MARCHF3: variants seen among roughly 807,000 people sequenced by gnomAD.
MARCHF3 encodes the protein E3 ubiquitin-protein ligase MARCHF3.
Under a neutral mutation model 24.2 loss-of-function variants are expected in MARCHF3, and 13 were observed. The ratio of observed to expected loss-of-function variants is 0.54; its 90% CI spans 0.35 to 0.85. The LOEUF is 0.85. MARCHF3 is among the 40% of genes least tolerant of loss of function. The probability of loss-of-function intolerance (pLI) is 0.01; values close to 1 mark genes in which losing one functional copy is unlikely to be tolerated. For missense variants in MARCHF3, 276 were observed against 325.0 expected, an observed-to-expected ratio of 0.85 and a Z score of 1.16; for synonymous variants, 144 against 137.3, an observed-to-expected ratio of 1.05 and a Z score of -0.34.
At chr5:126,975,781 G>C (rs554727629) in intron 1 of MARCHF3, among the ~76,000 whole-genome samples, 97 of 152,186 alleles carry the variant, frequency 6.4e-4, no homozygotes, top group Admixed American at 1.6e-3. Flanking sequence ...ACTTTTACTG[G>C]CTAAAAATCA....
chr5:126,986,523 G>A (rs1167444696), intron 1 of MARCHF3, among the ~76,000 whole-genome samples: 1 of 152,022 alleles, frequency 6.6e-6, no homozygotes, highest in African/African-American at 2.4e-5. Context: ...ATTTCACATT[G>A]GATGAACTTA....
chr5:126,875,740 G>T (rs753098600), intron 4 of MARCHF3, among the ~76,000 whole-genome samples: 43 of 152,212 alleles, frequency 2.8e-4, no homozygotes, highest in Non-Finnish European at 3.7e-4. Context: ...CAGGGGGAGG[G>T]TGGAAGCTGG....
chr5:126,906,371 G>A (rs1754296961), intron 3 of MARCHF3, among the ~76,000 whole-genome samples: 1 of 152,188 alleles, frequency 6.6e-6, no homozygotes, highest in African/African-American at 2.4e-5. Flanking sequence ...CTATTGATTG[G>A]AATAGTTTCA....
At chr5:126,953,626 GAT>G (rs1750327470) in intron 1 of MARCHF3, among the ~76,000 whole-genome samples, 1 of 152,170 alleles carries the variant, frequency 6.6e-6, no homozygotes, top group African/African-American at 2.4e-5. Flanking sequence ...ATGCCACTCT[GAT>G]TCTTACTTCT....
At chr5:126,912,704 G>A (rs981033435) in intron 3 of MARCHF3, among the ~76,000 whole-genome samples, 7 of 152,170 alleles carry the variant, frequency 4.6e-5, no homozygotes, top group Non-Finnish European at 1.0e-4. Context: ...AACTCTGCCC[G>A]CACCTGGTTC....
chr5:126,898,265 T>C (rs1330249296), intron 3 of MARCHF3, among the ~76,000 whole-genome samples: 1 of 152,094 alleles, frequency 6.6e-6, no homozygotes, highest in African/African-American at 2.4e-5. Context: ...GAAGACCCTT[T>C]AGTTAAGAAA....
intron 1 of MARCHF3, among the ~76,000 whole-genome samples, chr5:126,973,643 G>T (rs536914056): frequency 6.6e-6 from 1 of 152,312 alleles, no homozygotes; most frequent in South Asian, 2.1e-4. Context: ...GCATTGTAAT[G>T]ACTCTACCTA....
intron 1 of MARCHF3, among the ~76,000 whole-genome samples, chr5:127,003,261 C>T (rs930499023): frequency 5.9e-5 from 9 of 151,526 alleles, no homozygotes; most frequent in African/African-American, 2.2e-4. Context: ...GGGCGGAACA[C>T]GAGGTCAGGA....
At chr5:127,021,204 C>A (rs578208002) in intron 1 of MARCHF3, among the ~76,000 whole-genome samples, 1 of 152,092 alleles carries the variant, frequency 6.6e-6, no homozygotes, top group Non-Finnish European at 1.5e-5. Flanking sequence ...ACCCACCCCC[C>A]ACCAACACAC....
intron 1 of MARCHF3, among the ~76,000 whole-genome samples, chr5:126,955,612 G>C (rs995872465): frequency 1.3e-5 from 2 of 152,192 alleles, no homozygotes; most frequent in African/African-American, 4.8e-5. Context: ...GCTCCTCTGT[G>C]TATTGCCTGA....
intron 1 of MARCHF3, among the ~76,000 whole-genome samples, chr5:126,918,585 T>C (rs562213691): frequency 6.6e-6 from 1 of 152,334 alleles, no homozygotes; most frequent in African/African-American, 2.4e-5. Flanking sequence ...GTTGACACTC[T>C]CTAAAAGTTA....
chr5:126,878,687 G>A (rs1753252867), intron 3 of MARCHF3, among the ~76,000 whole-genome samples: 1 of 152,222 alleles, frequency 6.6e-6, no homozygotes, highest in Admixed American at 6.5e-5. Context: ...CATGTGGAAG[G>A]AAGAGAGAAT....
intron 1 of MARCHF3, among the ~76,000 whole-genome samples, chr5:127,023,525 G>T (rs183777415): frequency 0.02 from 3,092 of 152,190 alleles, 75 homozygotes; most frequent in South Asian, 0.12. Flanking sequence ...GAGGTCAGGA[G>T]TTCAAGACTA....
chr5:126,869,582 C>CTGTTTTTTTT lies in MARCHF3; in HGVS notation c.*1050_*1051insAAAAAAAACA, dbSNP rs1752893197. 1 of 79,832 alleles carries CTGTTTTTTTT rather than the reference C, an allele frequency of 1.3e-5. No homozygotes were observed. The allele number at this position is 79,832 out of a possible 1,614,324, so 4.9% of individuals were successfully genotyped here. On this transcript the variant is annotated 3_prime_UTR_variant, in exon 5 of 5. Coordinates refer to ENST00000308660, the MANE Select transcript of MARCHF3 (RefSeq NM_178450.5). Reference sequence around the variant, plus strand: ...ATAAGTGCAGGGCTGCTAGGACAGGCTTTTTTTTTTTTTTTTTTTTTTGCC... The same window carrying CTGTTTTTTTT: ...ATAAGTGCAGGGCTGCTAGGACAGGCTGTTTTTTTTTTTTTTTTTTTTTTTTTTTTTTGCC...
At chr5:126,934,087 T>C (rs1436063301) in intron 1 of MARCHF3, among the ~76,000 whole-genome samples, 1 of 145,634 alleles carries the variant, frequency 6.9e-6, no homozygotes, top group African/African-American at 2.8e-5. Context: ...TCTTCTTTAA[T>C]GGCAATGCAG....
intron 3 of MARCHF3, among the ~76,000 whole-genome samples, chr5:126,903,380 C>T (rs1269584068): frequency 2.0e-5 from 3 of 152,060 alleles, no homozygotes; most frequent in African/African-American, 7.3e-5. Flanking sequence ...TGCTATGATA[C>T]TAGTCCAACT....
intron 3 of MARCHF3, among the ~76,000 whole-genome samples, chr5:126,890,790 T>C (rs1753662900): frequency 6.6e-6 from 1 of 150,388 alleles, no homozygotes; most frequent in African/African-American, 2.5e-5. Flanking sequence ...TATAGTCCTT[T>C]GGGTATATAC....
intron 3 of MARCHF3, among the ~76,000 whole-genome samples, chr5:126,884,793 T>C (rs1425830445): frequency 1.3e-5 from 2 of 152,176 alleles, no homozygotes; most frequent in Admixed American, 6.5e-5. Flanking sequence ...TGGGAGGCAA[T>C]AGCCTCCCTG....
chr5:126,997,802 T>A (rs1285449770), intron 1 of MARCHF3, among the ~76,000 whole-genome samples: 6 of 152,232 alleles, frequency 3.9e-5, no homozygotes, highest in Admixed American at 6.5e-5. Flanking sequence ...GTACACCTGG[T>A]CAACCTAGGC....
Sources: gnomAD v4.1 joint callset for allele counts (sites outside exome capture counted in the v4.1 genomes callset) on GRCh38, gnomAD v4.1.1 for gene constraint, MANE v1.5 for transcripts, NCBI Gene and HGNC (gene_info 2026-07-23, HGNC 2026-07-21) for gene names.